The following NYAP2 variants were observed in gnomAD, a reference collection of about 807,000 sequenced individuals.
The protein encoded by NYAP2 is neuronal tyrosine-phosphorylated phosphoinositide-3-kinase adaptor 2.
In NYAP2, 23 loss-of-function variants were observed where a neutral mutation model predicts 50.4. That is an observed-to-expected ratio of 0.46 (90% confidence interval 0.33 to 0.65). The LOEUF is 0.65. Among genes scored for constraint, NYAP2 ranks in the 30% least tolerant of loss-of-function variants. NYAP2 has a pLI of 0.02. For synonymous variants in NYAP2, 394 were observed against 365.2 expected, an observed-to-expected ratio of 1.08 and a Z score of -0.90; for missense variants, 885 against 861.0, an observed-to-expected ratio of 1.03 and a Z score of -0.35.
intron 5 of NYAP2, among the ~76,000 whole-genome samples, chr2:225,611,703 T>A (rs1692887691): frequency 6.6e-6 from 1 of 152,096 alleles, no homozygotes; most frequent in African/African-American, 2.4e-5. Context: ...ATTTTCTCCC[T>A]ACCTTACATT....
At chr2:225,432,425 TA>T (rs1689282668) in intron 3 of NYAP2, among the ~76,000 whole-genome samples, 1 of 150,010 alleles carries the variant, frequency 6.7e-6, no homozygotes, top group East Asian at 1.9e-4. Flanking sequence ...CAACTTTATA[TA>T]TATAAATTTA....
At chr2:225,456,105 A>C (rs778972727) in intron 3 of NYAP2, among the ~76,000 whole-genome samples, 2 of 152,218 alleles carry the variant, frequency 1.3e-5, no homozygotes, top group African/African-American at 4.8e-5. Flanking sequence ...CAGTTCTCAG[A>C]TGAAAGACAT....
chr2:225,404,226 C>T (rs2106116066), intron 2 of NYAP2, among the ~76,000 whole-genome samples: 1 of 151,800 alleles, frequency 6.6e-6, no homozygotes, highest in South Asian at 2.1e-4. Flanking sequence ...AAAAATGCTG[C>T]TTTTTTTTAA....
chr2:225,403,891 G>T (rs1308588897), intron 2 of NYAP2, among the ~76,000 whole-genome samples: 1 of 151,912 alleles, frequency 6.6e-6, no homozygotes, highest in East Asian at 1.9e-4. Context: ...GAGCTAGAGT[G>T]GTTGATATCA....
intron 4 of NYAP2, among the ~76,000 whole-genome samples, chr2:225,514,813 C>T (rs1690898409): frequency 6.6e-6 from 1 of 152,156 alleles, no homozygotes; most frequent in Non-Finnish European, 1.5e-5. Context: ...TTCTCTTCTG[C>T]CCCACTCTCC....
chr2:225,472,999 C>T (rs951356680), intron 3 of NYAP2, among the ~76,000 whole-genome samples: 7 of 152,130 alleles, frequency 4.6e-5, no homozygotes. Context: ...TGATGTTCCC[C>T]TTCCTGTGTC....
At chr2:225,542,594 C>A (rs1023813086) in intron 4 of NYAP2, among the ~76,000 whole-genome samples, 27 of 152,114 alleles carry the variant, frequency 1.8e-4, no homozygotes, top group African/African-American at 6.3e-4. Flanking sequence ...ATATGTTGAG[C>A]CATCTTTGCC....
intron 6 of NYAP2, among the ~76,000 whole-genome samples, 171 bp downstream of exon 6, chr2:225,627,297 C>T (rs554110596): frequency 6.6e-6 from 1 of 152,320 alleles, no homozygotes; most frequent in East Asian, 1.9e-4. Flanking sequence ...ATATATTGTA[C>T]TGCTCAAAGG....
chr2:225,422,383 C>T (rs1244522009), intron 3 of NYAP2, among the ~76,000 whole-genome samples: 2 of 152,128 alleles, frequency 1.3e-5, no homozygotes, highest in African/African-American at 4.8e-5. Flanking sequence ...AAGTGTCAGT[C>T]GGCTGCCAGT....
chr2:225,606,971 G>C lies in NYAP2; in HGVS notation c.1619-19946G>C, dbSNP rs142550571. On this transcript the variant is annotated intron_variant, in intron 5 of 6. Transcript: ENST00000636099. ...CCACCCTTCTTCTGTTCTATTGTAA[G>C]GTATCATTAATTAGTTAGAAAATCT... 6.3e-3 allele frequency among the ~76,000 whole-genome samples: 964 copies of C among 152,052 alleles called. 32 individuals carry two copies. Among genetic ancestry groups the C allele is most frequent in the Admixed American group, 0.054 (827 of 15,246 alleles).
At chr2:225,426,445 G>A (rs978185203) in intron 3 of NYAP2, among the ~76,000 whole-genome samples, 1 of 152,076 alleles carries the variant, frequency 6.6e-6, no homozygotes, top group Non-Finnish European at 1.5e-5. Context: ...ACAACATGAG[G>A]GCAGGAACTC....
chr2:225,565,955 AG>A (rs1311569897), intron 4 of NYAP2, among the ~76,000 whole-genome samples: 2 of 152,154 alleles, frequency 1.3e-5, no homozygotes, highest in African/African-American at 2.4e-5. Flanking sequence ...CATCATATAT[AG>A]AGGCAAATTA....
chr2:225,449,909 ACCCGGC>A (rs1689624272), intron 3 of NYAP2, among the ~76,000 whole-genome samples: 1 of 151,658 alleles, frequency 6.6e-6, no homozygotes, highest in South Asian at 2.1e-4. Flanking sequence ...GAGCCACCAC[ACCCGGC>A]CGATAAGCCA....
At chr2:225,461,799 G>T (rs572882672) in intron 3 of NYAP2, among the ~76,000 whole-genome samples, 1 of 152,210 alleles carries the variant, frequency 6.6e-6, no homozygotes, top group East Asian at 1.9e-4. Flanking sequence ...AATCTGCTAG[G>T]TTCTGAATCA....
At chr2:225,546,945 G>C (rs1691595296) in intron 4 of NYAP2, among the ~76,000 whole-genome samples, 1 of 152,138 alleles carries the variant, frequency 6.6e-6, no homozygotes, top group Non-Finnish European at 1.5e-5. Flanking sequence ...CAAAGCAGTG[G>C]GTTTTCTTCA....
chr2:225,631,732 GA>G (rs1260193668), intron 6 of NYAP2, among the ~76,000 whole-genome samples: 4 of 152,166 alleles, frequency 2.6e-5, no homozygotes, highest in African/African-American at 9.7e-5. Context: ...TGCCAGTTCT[GA>G]ACTAGAAAAT....
chr2:225,613,677 T>C (rs1382475600), intron 5 of NYAP2, among the ~76,000 whole-genome samples: 1 of 152,210 alleles, frequency 6.6e-6, no homozygotes, highest in Non-Finnish European at 1.5e-5. Flanking sequence ...AGACATCATG[T>C]AGAAGAACTG....
intron 3 of NYAP2, among the ~76,000 whole-genome samples, chr2:225,414,617 A>G (rs1695094138): frequency 1.3e-5 from 2 of 152,052 alleles, no homozygotes; most frequent in Admixed American, 1.3e-4. Flanking sequence ...CAAGTGACCA[A>G]CGAGAACAGA....
In NYAP2 at chr2:225,582,942, A is replaced by G; in HGVS notation, c.1525A>G (p.Ser509Gly). Reference sequence around the variant, plus strand: ...TGGCTCCCGGTCCCGGACACCCACGAGCCCGCTGGAGGAGCTGACCAGCCT... The same window carrying G: ...TGGCTCCCGGTCCCGGACACCCACGGGCCCGCTGGAGGAGCTGACCAGCCT... The change falls in exon 5 of 7, where the codon AGC becomes GGC. Residue 509 changes from serine (S) to glycine (G), a missense_variant. Coordinates refer to ENST00000636099, the Ensembl canonical transcript of NYAP2. This position sits in a 1 kb window ranked among gnomAD's most constrained non-coding sequence, Gnocchi z 7.0. The G allele has an allele frequency of 6.2e-7, 1 of 1,612,576 alleles. No individual in the cohort carries two copies. The highest frequency in any genetic ancestry group is 8.5e-7 in the Non-Finnish European group (1 of 1,179,740).
Sources: gnomAD v4.1 joint callset for allele counts (sites outside exome capture counted in the v4.1 genomes callset) on GRCh38, gnomAD v4.1.1 for gene constraint, Gnocchi (gnomAD v3.1) non-coding constraint, MANE v1.5 for transcripts, NCBI Gene and HGNC (gene_info 2026-07-23, HGNC 2026-07-21) for gene names.